CERS6: variants seen among roughly 807,000 people sequenced by gnomAD.
CERS6 encodes the protein LAG1 homolog, ceramide synthase 6.
CERS6 carries 26 observed loss-of-function variants against 56.8 expected under a neutral mutation model. The ratio of observed to expected loss-of-function variants is 0.46; its 90% CI spans 0.34 to 0.63. The LOEUF (loss-of-function observed/expected upper bound fraction) is 0.63, where lower values mean the gene tolerates loss of function less well. Among genes scored for constraint, CERS6 ranks in the 30% least tolerant of loss-of-function variants. CERS6 has a pLI of 0.01. For missense variants in CERS6, 415 were observed against 467.5 expected (o/e 0.89, Z 1.04); for synonymous variants, 164 against 173.3 (o/e 0.95, Z 0.42).
intron 1 of CERS6, among the ~76,000 whole-genome samples, chr2:168,465,721 G>C (rs1287449170): frequency 1.3e-5 from 2 of 152,150 alleles, no homozygotes; most frequent in African/African-American, 4.8e-5. Flanking sequence ...TGACTGCAAG[G>C]TGCTGGAGGT....
intron 1 of CERS6, among the ~76,000 whole-genome samples, chr2:168,542,189 G>A (rs1237664849): frequency 1.3e-5 from 2 of 152,088 alleles, no homozygotes; most frequent in African/African-American, 4.8e-5. Flanking sequence ...ATTCCTACAC[G>A]ACAAAAAGAG....
chr2:168,728,544 G>A (rs558477899), intron 8 of CERS6, among the ~76,000 whole-genome samples: 16 of 151,326 alleles, frequency 1.1e-4, no homozygotes, highest in East Asian at 9.9e-4. Flanking sequence ...CACCCACCAC[G>A]CCCAGCTAAT....
chr2:168,481,314 C>T (rs1015610167), intron 1 of CERS6, among the ~76,000 whole-genome samples: 3 of 152,162 alleles, frequency 2.0e-5, no homozygotes, highest in African/African-American at 7.2e-5. Flanking sequence ...ACTCTGGAGG[C>T]TGAGGCAGGA....
chr2:168,728,842 C>T (rs1683428881), intron 8 of CERS6, among the ~76,000 whole-genome samples: 2 of 150,266 alleles, frequency 1.3e-5, no homozygotes, highest in Admixed American at 6.6e-5. Context: ...CCCATCTCTA[C>T]TAAAAATACA....
chr2:168,607,933 T>A (rs924415790), intron 3 of CERS6, among the ~76,000 whole-genome samples: 1 of 152,248 alleles, frequency 6.6e-6, no homozygotes, highest in Non-Finnish European at 1.5e-5. Flanking sequence ...ATCAGTTATC[T>A]GTTCTTTAAT....
intron 6 of CERS6, among the ~76,000 whole-genome samples, chr2:168,703,495 T>C (rs1180210620): frequency 1.3e-5 from 2 of 152,044 alleles, no homozygotes; most frequent in Non-Finnish European, 2.9e-5. Flanking sequence ...GAGGCGGAGA[T>C]TGCAGTGAGC....
At chr2:168,484,206 A>G (rs1204673098) in intron 1 of CERS6, among the ~76,000 whole-genome samples, 4 of 87,294 alleles carry the variant, frequency 4.6e-5, no homozygotes, top group African/African-American at 4.5e-5. Context: ...TTTGAGACGG[A>G]GCTTCACTCC....
At position 168,510,141 on chromosome 2, in the gene CERS6, C is replaced by A. The variant is rs185480399; in HGVS notation, c.171-37455C>A. Among the ~76,000 whole-genome samples the A allele has an allele frequency of 3.1e-3, 463 of 149,216 alleles. 2 individuals carry two copies. The highest frequency in any genetic ancestry group is 0.011 in the African/African-American group (428 of 40,724). ...TCTGATACATAGGATTAGATTCTTG[C>A]AAAGCCTAGAATCTGATCCCATGTA... is the stretch of plus-strand genomic sequence containing the variant. On this transcript the variant is annotated intron_variant, in intron 1 of 9. Transcript: ENST00000305747.
At chr2:168,472,900 A>G (rs1210488909) in intron 1 of CERS6, among the ~76,000 whole-genome samples, 2 of 152,194 alleles carry the variant, frequency 1.3e-5, no homozygotes, top group African/African-American at 2.4e-5. Flanking sequence ...TGGATTTGAA[A>G]AAACCAGATA....
chr2:168,708,965 T>A (rs1224538131), intron 6 of CERS6, among the ~76,000 whole-genome samples: 1 of 152,156 alleles, frequency 6.6e-6, no homozygotes, highest in Non-Finnish European at 1.5e-5. Flanking sequence ...TGTAAAGGCA[T>A]GTACATCAAG....
At chr2:168,544,384 G>A (rs1695424962) in intron 1 of CERS6, among the ~76,000 whole-genome samples, 1 of 152,158 alleles carries the variant, frequency 6.6e-6, no homozygotes, top group African/African-American at 2.4e-5. Context: ...TGCAAAGTGG[G>A]GATAATGGTA....
chr2:168,513,876 A>G (rs1694839795), intron 1 of CERS6, among the ~76,000 whole-genome samples: 1 of 152,066 alleles, frequency 6.6e-6, no homozygotes, highest in Non-Finnish European at 1.5e-5. Context: ...CTAGGGAGAG[A>G]GAGAAAAGGT....
chr2:168,768,904 C>CAAAAAAAAAAAAAAAAAATAAAAAAAA (rs765504573), intron 9 of CERS6, among the ~76,000 whole-genome samples: 1 of 59,412 alleles, frequency 1.7e-5, no homozygotes. Flanking sequence ...GACTCTGACT[C>CAAAAAAAAAAAAAAAAAATAAAAAAAA]AAAAAAAAAA....
chr2:168,746,818 T>TAA (rs1343670689), intron 8 of CERS6, among the ~76,000 whole-genome samples: 3 of 95,826 alleles, frequency 3.1e-5, no homozygotes, highest in African/African-American at 1.2e-4. Context: ...TATATATATA[T>TAA]ATAAAATCAT....
intron 4 of CERS6, among the ~76,000 whole-genome samples, chr2:168,652,756 TC>T (rs1685377152): frequency 6.6e-6 from 1 of 152,196 alleles, no homozygotes; most frequent in East Asian, 1.9e-4. Context: ...TCTGGCCCTT[TC>T]CCCACTAAGG....
intron 4 of CERS6, among the ~76,000 whole-genome samples, chr2:168,659,593 A>G (rs1287410997): frequency 6.6e-6 from 1 of 152,228 alleles, no homozygotes; most frequent in Non-Finnish European, 1.5e-5. Context: ...CCATCTCTTC[A>G]ATGTATCCAG....
At chr2:168,692,083 C>T (rs1686519076) in intron 5 of CERS6, among the ~76,000 whole-genome samples, 1 of 152,086 alleles carries the variant, frequency 6.6e-6, no homozygotes, top group African/African-American at 2.4e-5. Context: ...ATTGGAATTC[C>T]AATTGGCATT....
intron 8 of CERS6, among the ~76,000 whole-genome samples, chr2:168,763,601 C>T (rs959647815): frequency 6.6e-6 from 1 of 152,026 alleles, no homozygotes; most frequent in Non-Finnish European, 1.5e-5. Context: ...CTTTTCTAAC[C>T]TCTCTTAAAG....
intron 1 of CERS6, among the ~76,000 whole-genome samples, chr2:168,518,008 G>T (rs1177058324): frequency 1.3e-5 from 2 of 152,190 alleles, no homozygotes; most frequent in African/African-American, 2.4e-5. Context: ...GACTAATTTT[G>T]CAGTGAGTGA....
Sources: allele counts gnomAD v4.1 joint callset (sites outside exome capture counted in the v4.1 genomes callset), GRCh38; gene constraint gnomAD v4.1.1; transcripts MANE v1.5; gene names NCBI Gene and HGNC (gene_info 2026-07-23, HGNC 2026-07-21).